CEP152: variants seen among roughly 807,000 people sequenced by gnomAD.
CEP152 encodes centrosomal protein 152.
CEP152 carries 132 observed loss-of-function variants against 188.9 expected under a neutral mutation model. The ratio of observed to expected loss-of-function variants is 0.70; its 90% CI spans 0.61 to 0.81. The LOEUF (loss-of-function observed/expected upper bound fraction) is 0.81. Ranked by LOEUF, CEP152 falls within the 30% of genes least tolerant of loss-of-function variation. The pLI, the probability that CEP152 is intolerant of heterozygous loss-of-function variation, is 0.00. For synonymous variants in CEP152, 649 were observed against 666.6 expected (o/e 0.97, Z 0.41); for missense variants, 1,914 against 1,969.8 (o/e 0.97, Z 0.54).
Position 48,755,959 on chromosome 15 carries a change from C to T in CEP152, c.3289G>A (p.Ala1097Thr). The change falls in exon 20 of 27, where the codon GCA becomes ACA. Residue 1097 changes from alanine (A) to threonine (T), a missense_variant. By Grantham distance (58) the Ala-to-Thr change is moderately conservative. Transcript: ENST00000380950. The stretch of plus-strand genomic sequence containing the variant: ...AGCAGAGGAAGTGTATCTTGAAATG[C>T]TTTCTGTATGCAGCCCTTTAGTTTT... ...FEKLKGCIQK[A>T]FQDTLPLLVE... 1 of 1,614,042 alleles carries T rather than the reference C, an allele frequency of 6.2e-7. No homozygotes were observed.
downstream of CEP152, among the ~76,000 whole-genome samples, chr15:48,736,091 A>C (rs1413890685): frequency 6.6e-6 from 1 of 152,218 alleles, no homozygotes; most frequent in Non-Finnish European, 1.5e-5. Context: ...CTGACTAAAG[A>C]AAAAATGGAA....
In CEP152 at chr15:48,764,498, T is replaced by G. The variant is rs2140730217; in HGVS notation, c.2281-1826A>C. 2.0e-5 allele frequency among the ~76,000 whole-genome samples: 3 copies of G among 152,312 alleles called. No individual in the cohort carries two copies. The East Asian group carries it at 5.8e-4, about 29-fold the overall frequency. ...TCTTGGATAGCAAAAAAAATCCCTCTAACTTCTAAAATGCACCTACCTAAC... is the reference window on the plus strand; with the variant it reads ...TCTTGGATAGCAAAAAAAATCCCTCGAACTTCTAAAATGCACCTACCTAAC... On this transcript the variant is annotated intron_variant, in intron 17 of 26. Coordinates refer to ENST00000380950, the MANE Select transcript of CEP152 (RefSeq NM_001194998.2).
At chr15:48,785,762 G>C (rs1896581527) in intron 9 of CEP152, among the ~76,000 whole-genome samples, 2 of 152,022 alleles carry the variant, frequency 1.3e-5, no homozygotes, top group African/African-American at 2.4e-5. Flanking sequence ...AATCAAAAAA[G>C]ATTGAGTAGC....
intron 2 of CEP152, among the ~76,000 whole-genome samples, chr15:48,802,420 C>T (rs1190098167): frequency 7.2e-6 from 1 of 138,980 alleles, no homozygotes; most frequent in Admixed American, 7.1e-5. Context: ...GATGTCATCA[C>T]TCTCACTGAT....
chr15:48,781,995 GGAGAT>G (rs1896277578), intron 11 of CEP152, 139 bp downstream of exon 11: 1 of 721,334 alleles, frequency 1.4e-6, no homozygotes, highest in Non-Finnish European at 2.4e-6. Flanking sequence ...ACTGTGTGAA[GGAGAT>G]GGTGAACAAC....
At chr15:48,809,924 G>C (rs919672853) in intron 1 of CEP152, among the ~76,000 whole-genome samples, 1 of 152,184 alleles carries the variant, frequency 6.6e-6, no homozygotes, top group Non-Finnish European at 1.5e-5. Context: ...GAACAAAAAT[G>C]CCACCCTCCT....
At chr15:48,766,972 T>C in intron 17 of CEP152, 88 bp downstream of exon 17, 5 of 1,558,818 alleles carry the variant, frequency 3.2e-6, no homozygotes, top group Non-Finnish European at 4.4e-6. Flanking sequence ...CTCCATTCAC[T>C]TCTCTAGAAC....
chr15:48,805,737 T>A, intron 1 of CEP152, 81 bp from the exon 2 acceptor site: 4 of 1,577,766 alleles, frequency 2.5e-6, no homozygotes, highest in Non-Finnish European at 3.5e-6. Flanking sequence ...ATGCCATACA[T>A]ACACAAAGTG....
Position 48,788,914 on chromosome 15 carries a change from G to A in CEP152, c.1060C>T (p.Arg354Ter). 2 of 1,614,038 alleles carry A rather than the reference G, an allele frequency of 1.2e-6. No individual in the cohort carries two copies. Among genetic ancestry groups the A allele is most frequent in the Non-Finnish European group, 1.7e-6 (2 of 1,179,986 alleles). The stretch of plus-strand genomic sequence containing the variant: ...ATGCTCTCATGCTGTTCTCTAGCTC[G>A]TTGAAGTGATTCAGAATGATGAAGG... ...VDLHHSESLQ[R>*]AREQHESIVM... Residue 354 changes from arginine to a stop codon, truncating the protein, a stop_gained, in exon 9 of 27, where the codon CGA (arginine) becomes TGA (stop). Coordinates refer to ENST00000380950, the MANE Select transcript of CEP152 (RefSeq NM_001194998.2). LOFTEE classifies it high-confidence loss of function.
chr15:48,805,509 C>T (rs1382561206), intron 2 of CEP152, 54 bp downstream of exon 2: 5 of 1,532,216 alleles, frequency 3.3e-6, no homozygotes, highest in Non-Finnish European at 4.4e-6. Flanking sequence ...AGAAATAAAA[C>T]TTGTTAAAGA....
rs925248952 is a variant in CEP152 at position 48,805,448 on chromosome 15, T to TA, written c.87+114dup. 2.4e-4 allele frequency: 331 copies of TA among 1,371,972 alleles called. No individual in the cohort carries two copies. In the African/African-American group the frequency reaches 2.9e-3, roughly 12 times the overall value. 85.0% of individuals were successfully genotyped at this position (1,371,972 alleles called of 1,614,324 possible). ...GCAGATTTTAGGGTTGTTTTTTTTT[T>TA]AAAAAATCCAAATCCCTTCAAAATG... On this transcript the variant is annotated intron_variant, in intron 2 of 26. Coordinates refer to ENST00000380950, the MANE Select transcript of CEP152 (RefSeq NM_001194998.2).
Position 48,767,196 on chromosome 15 carries a change from G to A in CEP152, c.2148-4C>T. ...ATTCAACTTATCCAACTCAGACCTT[G>A]GATACACAAAACCAGCAACTAAATG... On this transcript the variant is annotated splice_region_variant and splice_polypyrimidine_tract_variant and intron_variant, in intron 16 of 26. Coordinates refer to ENST00000380950, the MANE Select transcript of CEP152 (RefSeq NM_001194998.2). 1 of 1,613,658 alleles carries A rather than the reference G, an allele frequency of 6.2e-7. No homozygotes were observed.
intron 8 of CEP152, among the ~76,000 whole-genome samples, chr15:48,790,592 G>A (rs1198660535): frequency 6.6e-6 from 1 of 151,626 alleles, no homozygotes; most frequent in Non-Finnish European, 1.5e-5. Flanking sequence ...CTTCAGACAA[G>A]TCTCGCTCTC....
In CEP152 at chr15:48,791,265, A is replaced by C; in HGVS notation, c.944T>G (p.Ile315Arg). ...EAQIKALETQ[I>R]QALKVNEEQM... ...TTCTTCATTGACTTTTAATGCTTGTATCTGAGTCTCCAGTGCTTTTATTTG... is the reference window on the plus strand; with the variant it reads ...TTCTTCATTGACTTTTAATGCTTGTCTCTGAGTCTCCAGTGCTTTTATTTG... Residue 315 changes from isoleucine to arginine, a missense_variant, in exon 8 of 27, where the codon ATA (isoleucine) becomes AGA (arginine). Transcript: ENST00000380950. 1 of 1,612,774 alleles carries C rather than the reference A, an allele frequency of 6.2e-7. No homozygotes were observed. The highest frequency in any genetic ancestry group is 1.1e-5 in the South Asian group (1 of 91,034).
intron 20 of CEP152, among the ~76,000 whole-genome samples, chr15:48,753,459 GC>G (rs1430120421): frequency 2.0e-5 from 3 of 152,186 alleles, no homozygotes; most frequent in African/African-American, 7.2e-5. Flanking sequence ...GATTCTAGAA[GC>G]CTTGATTTTG....
At chr15:48,752,133 A>G (rs1408504711) in intron 21 of CEP152, among the ~76,000 whole-genome samples, 1 of 152,228 alleles carries the variant, frequency 6.6e-6, no homozygotes, top group African/African-American at 2.4e-5. Context: ...TGTAACAAGA[A>G]TCAGTTGTGA....
chr15:48,783,407 A>T (rs1159835672), intron 10 of CEP152: 2 of 152,182 alleles, frequency 1.3e-5, no homozygotes, highest in Non-Finnish European at 2.9e-5. Flanking sequence ...GAAAAATATG[A>T]AAGAAGTTAT....
intron 22 of CEP152, among the ~76,000 whole-genome samples, chr15:48,747,486 T>C (rs1209407855): frequency 1.3e-5 from 2 of 152,056 alleles, no homozygotes; most frequent in East Asian, 3.9e-4. Flanking sequence ...ATGGTGATAA[T>C]AGAGGAAGAG....
chr15:48,768,598 G>T (rs1457532897), intron 14 of CEP152, among the ~76,000 whole-genome samples: 2 of 152,152 alleles, frequency 1.3e-5, no homozygotes, highest in Non-Finnish European at 1.5e-5. Context: ...TATTTAACCA[G>T]AGAAGTATTG....
Sources: allele counts gnomAD v4.1 joint callset (sites outside exome capture counted in the v4.1 genomes callset), GRCh38; gene constraint gnomAD v4.1.1; transcripts MANE v1.5; gene names NCBI Gene and HGNC (gene_info 2026-07-23, HGNC 2026-07-21).